The following STX19 variants were observed in gnomAD, a reference collection of about 807,000 sequenced individuals.
The protein encoded by STX19 is syntaxin 19, also known as syntaxin-19.
STX19 carries 26 observed loss-of-function variants against 24.3 expected under a neutral mutation model. That is an observed-to-expected ratio of 1.07 (90% CI 0.78 to 1.48). STX19 has a LOEUF of 1.48. STX19 is among the 40% of genes most tolerant of loss of function. STX19 has a pLI of 0.00. For missense variants in STX19, 367 were observed against 331.9 expected (o/e 1.11, Z -0.82); for synonymous variants, 116 against 106.9 (o/e 1.09, Z -0.52).
At chr3:94,022,855 T>TA (rs531371619) in intron 1 of STX19, among the ~76,000 whole-genome samples, 3 of 152,212 alleles carry the variant, frequency 2.0e-5, no homozygotes, top group Non-Finnish European at 2.9e-5. Flanking sequence ...AAATATTAAT[T>TA]ACCAAAGTTT....
At chr3:94,026,973 C>T (rs1030058477) in intron 1 of STX19, among the ~76,000 whole-genome samples, 1 of 152,206 alleles carries the variant, frequency 6.6e-6, no homozygotes, top group South Asian at 2.1e-4. Context: ...TGCCCTATTA[C>T]AGACACTGAA....
rs554299787 is a variant in STX19, at chr3:94,017,090, A to G, written c.-13-1808T>C. On this transcript the variant is annotated intron_variant, in intron 1 of 1. Transcript: ENST00000315099. Reference sequence around the variant, plus strand: ...AGGGGAACTCAATAAACTTCTGAGCATATTTTGAGATGGAAGTTCTTAAGT... The same window carrying G: ...AGGGGAACTCAATAAACTTCTGAGCGTATTTTGAGATGGAAGTTCTTAAGT... 8.5e-5 allele frequency among the ~76,000 whole-genome samples: 13 copies of G among 152,350 alleles called. No individual in the cohort carries two copies. In the South Asian group the frequency reaches 2.5e-3, roughly 29 times the overall value.
chr3:94,015,976 G>T (rs545333312), intron 1 of STX19, among the ~76,000 whole-genome samples: 17 of 152,096 alleles, frequency 1.1e-4, no homozygotes, highest in Admixed American at 1.0e-3. Context: ...TTTGTGTTAG[G>T]TGATACTTTT....
intron 1 of STX19, among the ~76,000 whole-genome samples, chr3:94,015,532 G>A (rs1482017230): frequency 6.6e-6 from 1 of 152,174 alleles, no homozygotes; most frequent in East Asian, 1.9e-4. Context: ...TGAGAAAGCA[G>A]TGATGCAGAC....
At chr3:94,017,834 G>GT (rs924281488) in intron 1 of STX19, among the ~76,000 whole-genome samples, 11 of 152,116 alleles carry the variant, frequency 7.2e-5, no homozygotes, top group Admixed American at 7.2e-4. Context: ...AGACTGATAT[G>GT]TTTTAGGAAC....
intron 1 of STX19, among the ~76,000 whole-genome samples, chr3:94,020,327 C>T (rs1559990322): frequency 6.6e-6 from 1 of 152,134 alleles, no homozygotes; most frequent in African/African-American, 2.4e-5. Context: ...GATCTCTATT[C>T]TATAGATAAT....
At position 94,014,505 on chromosome 3, in the gene STX19, A is replaced by G. The variant is rs1262191776; in HGVS notation, c.765T>C (p.Asn255=). 1.2e-5 allele frequency: 20 copies of G among 1,611,960 alleles called. No homozygotes were observed. The highest frequency in any genetic ancestry group is 1.5e-5 in the Non-Finnish European group (18 of 1,179,304). ...ESINNIEMTV[N]STKEYVNNTK... ...TATTGTTAACATACTCTTTTGTACT[A>G]TTCACTGTCATTTCAATATTGTTGA... is the stretch of plus-strand genomic sequence containing the variant. The change falls in exon 2 of 2, where the codon AAT becomes AAC. Residue 255 remains asparagine, a synonymous_variant. Transcript: ENST00000315099.
Position 94,015,155 on chromosome 3 carries a change from C to T in STX19, c.115G>A (p.Val39Ile). The T allele has an allele frequency of 6.2e-7, 1 of 1,613,984 alleles. No homozygotes were observed. Among genetic ancestry groups the T allele is most frequent in the South Asian group, 1.1e-5 (1 of 91,076 alleles). Reference protein sequence around the residue: ...EEQGVFLQQAVIYEREPVAER... With the variant: ...EEQGVFLQQAIIYEREPVAER... ...GCTACAGGCTCTCTTTCATAAATAACAGCTTGCTGTAGAAACACCCCTTGT... is the reference window on the plus strand; with the variant it reads ...GCTACAGGCTCTCTTTCATAAATAATAGCTTGCTGTAGAAACACCCCTTGT... The change falls in exon 2 of 2, where the codon GTT (valine) becomes ATT (isoleucine). Residue 39 changes from valine (V) to isoleucine (I), a missense_variant. Val to Ile is a conservative substitution (Grantham distance 29). Transcript: ENST00000315099.
intron 1 of STX19, 131 bp downstream of exon 1, chr3:94,028,236 C>T (rs1328374719): frequency 2.0e-5 from 3 of 152,144 alleles, no homozygotes. Flanking sequence ...GCTACTGGTA[C>T]CCCGGTCCAA....
intron 1 of STX19, among the ~76,000 whole-genome samples, chr3:94,017,711 G>C (rs2107503174): frequency 6.6e-6 from 1 of 152,342 alleles, no homozygotes; most frequent in African/African-American, 2.4e-5. Context: ...TAATCAGGCA[G>C]GGTCTCTAAG....
chr3:94,015,811 T>G (rs1031258952), intron 1 of STX19, among the ~76,000 whole-genome samples: 1 of 152,180 alleles, frequency 6.6e-6, no homozygotes, highest in Non-Finnish European at 1.5e-5. Flanking sequence ...TTATTTTAAA[T>G]TTTCCGAAGC....
At chr3:94,020,381 T>C (rs1421404796) in intron 1 of STX19, among the ~76,000 whole-genome samples, 1 of 152,218 alleles carries the variant, frequency 6.6e-6, no homozygotes, top group Non-Finnish European at 1.5e-5. Flanking sequence ...TGTTGTCAGC[T>C]AGTGGTAGAG....
chr3:94,024,313 G>A (rs2076510948), intron 1 of STX19, among the ~76,000 whole-genome samples: 1 of 152,132 alleles, frequency 6.6e-6, no homozygotes, highest in Non-Finnish European at 1.5e-5. Context: ...TGTAAATATA[G>A]GGAAAAAGAA....
chr3:94,022,826 A>G lies in STX19; in HGVS notation c.-14+5541T>C, dbSNP rs560938075. Among the ~76,000 whole-genome samples, 219 of 152,230 alleles carry G rather than the reference A, an allele frequency of 1.4e-3. 1 individual carries two copies. The highest frequency in any genetic ancestry group is 2.5e-3 in the Non-Finnish European group (167 of 67,988). ...AACTACCACATAGATCAAGAAACAT[A>G]TAACATTTAATTTTAAGAAAATATT... is the stretch of plus-strand genomic sequence containing the variant. On this transcript the variant is annotated intron_variant, in intron 1 of 1. Coordinates refer to ENST00000315099, the MANE Select transcript of STX19 (RefSeq NM_001001850.3).
intron 1 of STX19, among the ~76,000 whole-genome samples, chr3:94,017,951 T>C (rs2107504275): frequency 6.6e-6 from 1 of 152,290 alleles, no homozygotes; most frequent in African/African-American, 2.4e-5. Flanking sequence ...ATAAAGGACT[T>C]GTGGGCCAAA....
intron 1 of STX19, among the ~76,000 whole-genome samples, chr3:94,016,896 T>C (rs1293012057): frequency 6.6e-6 from 1 of 152,134 alleles, no homozygotes; most frequent in Non-Finnish European, 1.5e-5. Context: ...CCGCCCACCT[T>C]GGCCTCCCAA....
intron 1 of STX19, among the ~76,000 whole-genome samples, chr3:94,024,183 G>C (rs2076507879): frequency 6.6e-6 from 1 of 152,056 alleles, no homozygotes; most frequent in African/African-American, 2.4e-5. Flanking sequence ...TGTCCAGGCT[G>C]GTCTTGAACT....
rs759227421 is a variant in STX19 at position 94,014,394 on chromosome 3, G to A, written c.876C>T (p.Ser292=). The stretch of plus-strand genomic sequence containing the variant: ...TTTTAAAATAGCTTCTTTATTTTGA[G>A]CTACAGCATGGACAGCACCAACAAC... The part of the protein sequence containing the change: ...VLCCWCCPCC[S]SK The change falls in exon 2 of 2, where the codon AGC becomes AGT. Residue 292 remains serine (S), a synonymous_variant. Coordinates refer to ENST00000315099, the MANE Select transcript of STX19 (RefSeq NM_001001850.3). 1 of 1,524,850 alleles carries A rather than the reference G, an allele frequency of 6.6e-7. No individual in the cohort carries two copies. The highest frequency in any genetic ancestry group is 2.4e-5 in the Admixed American group (1 of 41,550). 94.5% of individuals were successfully genotyped at this position (1,524,850 alleles called of 1,614,324 possible).
chr3:94,014,436 A>ATTTCT lies in STX19; in HGVS notation c.829_833dup (p.Asn278LysfsTer?). 6.3e-7 allele frequency: 1 copy of ATTTCT among 1,592,180 alleles called. No individual in the cohort carries two copies. The highest frequency in any genetic ancestry group is 1.2e-5 in the South Asian group (1 of 85,552). ...ACCAACAACACAGTACTCTGCAAGG[A>ATTTCT]TTTCTTTTTTTGTATTTTACAGCTA... On this transcript the variant is annotated frameshift_variant, in exon 2 of 2. Coordinates refer to ENST00000315099, the MANE Select transcript of STX19 (RefSeq NM_001001850.3). LOFTEE classifies it high-confidence loss of function.
Sources: allele counts gnomAD v4.1 joint callset (sites outside exome capture counted in the v4.1 genomes callset), GRCh38; gene constraint gnomAD v4.1.1; transcripts MANE v1.5; gene names NCBI Gene and HGNC (gene_info 2026-07-23, HGNC 2026-07-21).